The following GYS2 variants were observed in gnomAD, a reference collection of about 807,000 sequenced individuals.
GYS2 encodes glycogen synthase 2.
In GYS2, 80 loss-of-function variants were observed where a neutral mutation model predicts 85.6. That is an observed-to-expected ratio of 0.93 (90% confidence interval 0.78 to 1.13). The LOEUF is 1.13. GYS2 is among the 50% of genes most tolerant of loss of function. The probability of loss-of-function intolerance (pLI) is 0.00; values close to 1 mark genes in which losing one functional copy is unlikely to be tolerated. For synonymous variants in GYS2, 328 were observed against 300.7 expected (o/e 1.09, Z -0.94); for missense variants, 881 against 854.9 (o/e 1.03, Z -0.38).
intron 5 of GYS2, 71 bp from the exon 6 acceptor site, chr12:21,563,416 C>G: frequency 1.2e-6 from 1 of 823,722 alleles, no homozygotes; most frequent in East Asian, 2.4e-5. Flanking sequence ...AAAAAAGTAT[C>G]TTTAAAACTA....
intron 5 of GYS2, among the ~76,000 whole-genome samples, chr12:21,567,500 A>G (rs1368966672): frequency 6.6e-6 from 1 of 150,980 alleles, no homozygotes; most frequent in Non-Finnish European, 1.5e-5. Flanking sequence ...TGCTGCCACT[A>G]TTCAAATTAG....
intron 11 of GYS2, among the ~76,000 whole-genome samples, chr12:21,552,620 T>TTG (rs1173723111): frequency 1.3e-5 from 2 of 152,220 alleles, no homozygotes; most frequent in Non-Finnish European, 2.9e-5. Flanking sequence ...TACATTTATT[T>TTG]TGTGTGTGTG....
intron 1 of GYS2, among the ~76,000 whole-genome samples, chr12:21,583,043 A>T (rs563286294): frequency 6.6e-6 from 1 of 152,158 alleles, no homozygotes; most frequent in African/African-American, 2.4e-5. Context: ...GAGTATATCA[A>T]CTCTCCAGCT....
chr12:21,560,576 G>A lies in GYS2; in HGVS notation c.1063-84C>T. 19 of 778,668 alleles carry A rather than the reference G, an allele frequency of 2.4e-5. No individual in the cohort carries two copies. The South Asian group carries it at 2.6e-4, about 11-fold the overall frequency. 48.2% of individuals were successfully genotyped at this position (778,668 alleles called of 1,614,324 possible). On this transcript the variant is annotated intron_variant, in intron 7 of 15. Coordinates refer to ENST00000261195, the MANE Select transcript of GYS2 (RefSeq NM_021957.4). ...GATGGAACTTAAACATTGAAAAGTAGAGTTTTAAAATATCAGTAGATAAAA... is the reference window on the plus strand; with the variant it reads ...GATGGAACTTAAACATTGAAAAGTAAAGTTTTAAAATATCAGTAGATAAAA...
chr12:21,564,688 G>A lies in GYS2; in HGVS notation c.824-1343C>T, dbSNP rs879752483. ...CTAAATGAACTATATAATGTGATTC[G>A]TACAGTATGACAATTACATCTTAAA... On this transcript the variant is annotated intron_variant, in intron 5 of 15. Transcript: ENST00000261195. Among the ~76,000 whole-genome samples the A allele has an allele frequency of 5.9e-5, 9 of 152,142 alleles. No homozygotes were observed. In the East Asian group the frequency reaches 9.7e-4, roughly 16 times the overall value.
chr12:21,594,257 A>G (rs1944671401), intron 1 of GYS2, among the ~76,000 whole-genome samples: 1 of 152,124 alleles, frequency 6.6e-6, no homozygotes, highest in Non-Finnish European at 1.5e-5. Context: ...CACAGCTTTC[A>G]GGTCAGAGAA....
At position 21,537,003 on chromosome 12, in the gene GYS2, C is replaced by T. The variant is rs1943917751; in HGVS notation, c.2063G>A (p.Ser688Asn). 1 of 1,613,896 alleles carries T rather than the reference C, an allele frequency of 6.2e-7. No individual in the cohort carries two copies. The highest frequency in any genetic ancestry group is 1.1e-5 in the South Asian group (1 of 91,088). Reference protein sequence around the residue: ...RLNIKSPFSLSHVPHGKKKLH... With the variant: ...RLNIKSPFSLNHVPHGKKKLH... ...CTTTTTCTTCCCATGAGGAACGTGG[C>T]TCAGTGAAAATGGTGACTTGATATT... Residue 688 changes from serine (S) to asparagine (N), a missense_variant, in exon 16 of 16, where the codon AGC becomes AAC. Physicochemically the swap from Ser to Asn is conservative, Grantham distance 46 (BLOSUM62 1). Coordinates refer to ENST00000261195, the MANE Select transcript of GYS2 (RefSeq NM_021957.4).
intron 1 of GYS2, among the ~76,000 whole-genome samples, chr12:21,588,023 CAT>C (rs1470861254): frequency 6.6e-6 from 1 of 152,178 alleles, no homozygotes; most frequent in Non-Finnish European, 1.5e-5. Flanking sequence ...ATAATAATCA[CAT>C]GTGAGAATAC....
intron 8 of GYS2, 77 bp from the exon 9 acceptor site, chr12:21,559,787 T>C (rs944434678): frequency 1.1e-6 from 1 of 934,724 alleles, no homozygotes; most frequent in Non-Finnish European, 1.7e-6. Flanking sequence ...AATGCTATTG[T>C]TTTGTTGACA....
At chr12:21,555,032 G>C (rs1484364318) in intron 11 of GYS2, among the ~76,000 whole-genome samples, 1 of 151,988 alleles carries the variant, frequency 6.6e-6, no homozygotes, top group Non-Finnish European at 1.5e-5. Flanking sequence ...TGCATGTATT[G>C]TACGTAACAT....
At chr12:21,592,161 AAG>A (rs537516474) in intron 1 of GYS2, among the ~76,000 whole-genome samples, 12 of 150,512 alleles carry the variant, frequency 8.0e-5, no homozygotes, top group Admixed American at 2.0e-4. Flanking sequence ...GAAAGAAAGA[AAG>A]AGAGAGAGAG....
rs754762554 is a variant in GYS2, at chr12:21,546,327, C to G, written c.1549+17G>C. ...AACAAAATTCAAAACATTCCACACT[C>G]TATACATGACACATACCTGGAGTAT... On this transcript the variant is annotated intron_variant, in intron 12 of 15. Coordinates refer to ENST00000261195, the MANE Select transcript of GYS2 (RefSeq NM_021957.4). The G allele has an allele frequency of 7.0e-6, 11 of 1,570,046 alleles. No individual in the cohort carries two copies. The South Asian group carries it at 1.2e-4, about 18-fold the overall frequency.
intron 12 of GYS2, among the ~76,000 whole-genome samples, chr12:21,544,476 C>T (rs1944015074): frequency 6.6e-6 from 1 of 152,196 alleles, no homozygotes; most frequent in South Asian, 2.1e-4. Context: ...ACAGAAAGGA[C>T]TTCCCACATT....
At chr12:21,539,457 G>C (rs1315702431) in intron 14 of GYS2, 119 bp from the exon 15 acceptor site, 8 of 731,160 alleles carry the variant, frequency 1.1e-5, no homozygotes, top group African/African-American at 3.5e-5. Flanking sequence ...TAAAGTGACA[G>C]AATCTATGCA....
chr12:21,589,983 G>A (rs1944616774), intron 1 of GYS2, among the ~76,000 whole-genome samples: 1 of 152,034 alleles, frequency 6.6e-6, no homozygotes. Flanking sequence ...GCTGGCTGCT[G>A]TCACCAGGGA....
chr12:21,554,614 A>T (rs1486001230), intron 11 of GYS2, among the ~76,000 whole-genome samples: 1 of 152,210 alleles, frequency 6.6e-6, no homozygotes, highest in African/African-American at 2.4e-5. Flanking sequence ...GCAGATATAA[A>T]GTGTCTCGAG....
At chr12:21,560,035 G>A (rs1357812984) in intron 8 of GYS2, among the ~76,000 whole-genome samples, 1 of 152,134 alleles carries the variant, frequency 6.6e-6, no homozygotes, top group Non-Finnish European at 1.5e-5. Flanking sequence ...GTTGATCATT[G>A]TTGAATCTGA....
At chr12:21,557,231 T>A (rs1944191306) in intron 11 of GYS2, among the ~76,000 whole-genome samples, 1 of 152,196 alleles carries the variant, frequency 6.6e-6, no homozygotes, top group South Asian at 2.1e-4. Context: ...GGATGGAGCT[T>A]AGTAGAGGTA....
chr12:21,551,528 A>AG (rs1944110991), intron 11 of GYS2, among the ~76,000 whole-genome samples: 1 of 151,314 alleles, frequency 6.6e-6, no homozygotes, highest in South Asian at 2.1e-4. Context: ...TAAAAAAAAA[A>AG]GTCTGAAGTC....
Sources: allele counts gnomAD v4.1 joint callset (sites outside exome capture counted in the v4.1 genomes callset), GRCh38; gene constraint gnomAD v4.1.1; transcripts MANE v1.5; gene names NCBI Gene and HGNC (gene_info 2026-07-23, HGNC 2026-07-21).